The following MECOM variants were observed in gnomAD, a reference collection of about 807,000 sequenced individuals.
MECOM encodes the protein MDS1 and EVI1 complex locus, also known as histone-lysine N-methyltransferase MECOM.
A neutral mutation model predicts 116.3 loss-of-function variants in MECOM; 13 were observed. The observed-to-expected ratio is 0.11, with a 90% CI of 0.07 to 0.18. The LOEUF is 0.18. Among genes scored for constraint, MECOM ranks in the 10% least tolerant of loss-of-function variants. The pLI is 1.00. For synonymous variants in MECOM, 528 were observed against 535.2 expected, an observed-to-expected ratio of 0.99 and a Z score of 0.19; for missense variants, 1,299 against 1,509.0, an observed-to-expected ratio of 0.86 and a Z score of 2.31.
chr3:169,121,327 G>A (rs1730961548), intron 6 of MECOM, 118 bp from the exon 7 acceptor site: 5 of 1,074,264 alleles, frequency 4.7e-6, no homozygotes, highest in Admixed American at 2.9e-5. Flanking sequence ...TTTCCCCAAA[G>A]ACCAAAAGTG....
intron 3 of MECOM, 114 bp downstream of exon 3, chr3:169,143,584 A>G (rs1738783465): frequency 1.0e-6 from 1 of 970,252 alleles, no homozygotes; most frequent in Admixed American, 3.5e-5. Flanking sequence ...ATCTTTCACA[A>G]TATCAACAAA....
chr3:169,110,029 T>C (rs867993763), intron 9 of MECOM, among the ~76,000 whole-genome samples: 1 of 152,170 alleles, frequency 6.6e-6, no homozygotes, highest in Non-Finnish European at 1.5e-5. Flanking sequence ...TATTCCCATT[T>C]TGAAATGAAG....
At chr3:169,635,065 C>T (rs997331069) in intron 1 of MECOM, among the ~76,000 whole-genome samples, 1 of 152,090 alleles carries the variant, frequency 6.6e-6, no homozygotes, top group Non-Finnish European at 1.5e-5. Flanking sequence ...GAGGCTCATG[C>T]AGTTCAGCCC....
At chr3:169,629,428 A>C (rs1771804653) in intron 1 of MECOM, among the ~76,000 whole-genome samples, 2 of 152,068 alleles carry the variant, frequency 1.3e-5, no homozygotes. Context: ...GAGGTCCTTC[A>C]TAAATGTAGA....
At chr3:169,142,484 A>C (rs1009347966) in intron 3 of MECOM, among the ~76,000 whole-genome samples, 2 of 151,972 alleles carry the variant, frequency 1.3e-5, no homozygotes, top group Non-Finnish European at 2.9e-5. Flanking sequence ...AACTCATATG[A>C]TAGACGGAAT....
At chr3:169,280,093 T>C (rs1375286087) in intron 2 of MECOM, among the ~76,000 whole-genome samples, 1 of 152,214 alleles carries the variant, frequency 6.6e-6, no homozygotes, top group Non-Finnish European at 1.5e-5. Flanking sequence ...AGACTGTTAC[T>C]CTTCTGAATG....
In MECOM at chr3:169,453,436, A is replaced by G. The variant is rs28483094; in HGVS notation, c.38-71912T>C. Reference sequence around the variant, plus strand: ...AAACTGGGCTCCTAGCCACAATGACAGTCAAGACAAAGCCCTATCTCCCGC... The same window carrying G: ...AAACTGGGCTCCTAGCCACAATGACGGTCAAGACAAAGCCCTATCTCCCGC... On this transcript the variant is annotated intron_variant, in intron 1 of 16. Coordinates refer to ENST00000651503, the MANE Select transcript of MECOM (RefSeq NM_004991.4). Among the ~76,000 whole-genome samples the G allele has an allele frequency of 1.0e-2, 1,519 of 152,338 alleles. 22 individuals are homozygous for G. The highest frequency in any genetic ancestry group is 0.035 in the African/African-American group (1,463 of 41,568).
chr3:169,210,455 C>G (rs1227993281), intron 2 of MECOM, among the ~76,000 whole-genome samples: 1 of 152,090 alleles, frequency 6.6e-6, no homozygotes, highest in Admixed American at 6.6e-5. Context: ...AAAGAGCTAT[C>G]TAATATGCAA....
At chr3:169,458,396 T>C (rs1746863914) in intron 1 of MECOM, among the ~76,000 whole-genome samples, 1 of 152,164 alleles carries the variant, frequency 6.6e-6, no homozygotes, top group African/African-American at 2.4e-5. Context: ...TTCCAAGCAG[T>C]TCCTGTCAGC....
chr3:169,277,701 G>T (rs1215637474), intron 2 of MECOM, among the ~76,000 whole-genome samples: 1 of 152,126 alleles, frequency 6.6e-6, no homozygotes, highest in Non-Finnish European at 1.5e-5. Context: ...ATCAGATCAA[G>T]CCTTCCAATA....
intron 1 of MECOM, among the ~76,000 whole-genome samples, chr3:169,547,298 G>A (rs759996930): frequency 4.6e-5 from 7 of 152,162 alleles, no homozygotes; most frequent in East Asian, 1.9e-4. Context: ...TGCCATGATC[G>A]TAAGTTTCCT....
intron 1 of MECOM, among the ~76,000 whole-genome samples, chr3:169,534,744 T>C (rs775090589): frequency 2.6e-5 from 4 of 152,140 alleles, no homozygotes; most frequent in Non-Finnish European, 5.9e-5. Flanking sequence ...ATGAGCAAGG[T>C]GCTATTCTCC....
intron 2 of MECOM, among the ~76,000 whole-genome samples, chr3:169,172,320 A>T (rs559101902): frequency 1.1e-4 from 16 of 152,082 alleles, no homozygotes; most frequent in Non-Finnish European, 2.2e-4. Context: ...CCAATGTTAT[A>T]CAAAATACTG....
At chr3:169,414,059 A>C (rs1738078045) in intron 1 of MECOM, among the ~76,000 whole-genome samples, 2 of 152,282 alleles carry the variant, frequency 1.3e-5, no homozygotes, top group Non-Finnish European at 2.9e-5. Context: ...CTGCCTCCTC[A>C]AGTGGGTCCC....
At chr3:169,482,320 C>G (rs975633793) in intron 1 of MECOM, among the ~76,000 whole-genome samples, 1 of 144,050 alleles carries the variant, frequency 6.9e-6, no homozygotes, top group African/African-American at 2.6e-5. Flanking sequence ...GGGAGCTTAA[C>G]CCACGTTCTT....
chr3:169,394,591 C>T (rs779318227), intron 1 of MECOM, among the ~76,000 whole-genome samples: 2 of 151,990 alleles, frequency 1.3e-5, no homozygotes, highest in South Asian at 2.1e-4. Context: ...TGCAGAGGTA[C>T]GGCAGACACA....
chr3:169,112,208 C>T (rs1166613907), intron 9 of MECOM, among the ~76,000 whole-genome samples: 1 of 152,054 alleles, frequency 6.6e-6, no homozygotes, highest in Non-Finnish European at 1.5e-5. Context: ...TTGCATTTTC[C>T]TTGCAATGAT....
chr3:169,375,809 C>A (rs1006588480), intron 2 of MECOM, among the ~76,000 whole-genome samples: 24 of 152,050 alleles, frequency 1.6e-4, no homozygotes, highest in African/African-American at 4.6e-4. Flanking sequence ...AAAAGTGGAA[C>A]TCCTCCCTAA....
chr3:169,565,926 G>A (rs1463320872), intron 1 of MECOM: 1 of 445,168 alleles, frequency 2.2e-6, no homozygotes, highest in Non-Finnish European at 4.5e-6. Flanking sequence ...AGAACTATGT[G>A]AGACTGGGTA....
Sources: allele counts gnomAD v4.1 joint callset (sites outside exome capture counted in the v4.1 genomes callset), GRCh38; gene constraint gnomAD v4.1.1; transcripts MANE v1.5; gene names NCBI Gene and HGNC (gene_info 2026-07-23, HGNC 2026-07-21).